The following RFC3 variants were observed in gnomAD, a reference collection of about 807,000 sequenced individuals.
RFC3 encodes the protein replication factor C subunit 3, also known as A1 38 kDa subunit.
RFC3 carries 41 observed loss-of-function variants against 45.1 expected under a neutral mutation model. The observed-to-expected ratio is 0.91, with a 90% CI of 0.71 to 1.18. The LOEUF (loss-of-function observed/expected upper bound fraction) is 1.18. Ranked by LOEUF, RFC3 falls within the 50% of genes most tolerant of loss-of-function variation. RFC3 has a pLI of 0.00. For missense variants in RFC3, 423 were observed against 428.1 expected (o/e 0.99, Z 0.10); for synonymous variants, 149 against 144.0 (o/e 1.03, Z -0.25).
chr13:33,835,246 T>C (rs776235365), intron 8 of RFC3, 29 bp downstream of exon 8: 1 of 1,494,650 alleles, frequency 6.7e-7, no homozygotes, highest in Non-Finnish European at 9.3e-7. Flanking sequence ...TTGAACTTTT[T>C]ACAGCTATAA....
At chr13:33,881,304 G>A (rs779922694) in intron 8 of RFC3, among the ~76,000 whole-genome samples, 3 of 152,184 alleles carry the variant, frequency 2.0e-5, no homozygotes, top group Non-Finnish European at 2.9e-5. Context: ...AACTGTTTCA[G>A]TTTCTTAGGG....
chr13:33,875,496 T>G (rs958111624), intron 8 of RFC3, among the ~76,000 whole-genome samples: 13 of 152,172 alleles, frequency 8.5e-5, no homozygotes, highest in African/African-American at 2.9e-4. Flanking sequence ...AACTTTTCAT[T>G]TAACTTTTCA....
intron 8 of RFC3, among the ~76,000 whole-genome samples, chr13:33,908,771 T>G (rs2082687290): frequency 6.6e-6 from 1 of 152,026 alleles, no homozygotes; most frequent in Admixed American, 6.6e-5. Flanking sequence ...TCCAAAGGCC[T>G]GAGAACCAGA....
At chr13:33,884,375 C>T (rs2082506111) in intron 8 of RFC3, among the ~76,000 whole-genome samples, 2 of 152,150 alleles carry the variant, frequency 1.3e-5, no homozygotes, top group Non-Finnish European at 2.9e-5. Context: ...AGCCACAATC[C>T]TGAATTATAG....
intron 8 of RFC3, among the ~76,000 whole-genome samples, chr13:33,923,206 G>C (rs1002944052): frequency 6.6e-6 from 1 of 152,172 alleles, no homozygotes; most frequent in African/African-American, 2.4e-5. Context: ...ATCTGATTTT[G>C]TTCTTTTAGC....
intron 8 of RFC3, among the ~76,000 whole-genome samples, chr13:33,915,475 A>T (rs2082727122): frequency 6.6e-6 from 1 of 152,186 alleles, no homozygotes; most frequent in African/African-American, 2.4e-5. Flanking sequence ...TACAGAAGAA[A>T]ATAAATGTAC....
At chr13:33,965,999 A>G (rs983683728) in intron 8 of RFC3, 2 of 954,384 alleles carry the variant, frequency 2.1e-6, no homozygotes, top group Admixed American at 1.8e-5. Flanking sequence ...TTTGAAGTGT[A>G]TTACACATCC....
rs2082162904 is a variant in RFC3 at position 33,837,189 on chromosome 13, C to T, written c.*894C>T. ...CCCAATCAAGGTATAGATGCCGTCA[C>T]CCCAAAAAGTTCCCTCCATATCCCT... On this transcript the variant is annotated 3_prime_UTR_variant, in exon 9 of 9. Coordinates refer to ENST00000380071, the MANE Select transcript of RFC3 (RefSeq NM_002915.4). 2 of 389,468 alleles carry T rather than the reference C, an allele frequency of 5.1e-6. No individual in the cohort carries two copies. The highest frequency in any genetic ancestry group is 7.0e-6 in the Non-Finnish European group (2 of 285,420). The allele number at this position is 389,468 out of a possible 1,614,324, so 24.1% of individuals were successfully genotyped here.
At chr13:33,929,057 A>T (rs1254825589) in intron 8 of RFC3, among the ~76,000 whole-genome samples, 1 of 152,132 alleles carries the variant, frequency 6.6e-6, no homozygotes, top group Non-Finnish European at 1.5e-5. Flanking sequence ...TTTTATTTGA[A>T]ACCATAGATT....
chr13:33,920,184 T>A (rs971527086), intron 8 of RFC3, among the ~76,000 whole-genome samples: 11 of 152,140 alleles, frequency 7.2e-5, no homozygotes, highest in African/African-American at 1.7e-4. Context: ...ATCCCCATGT[T>A]ATGGGAAAAA....
intron 8 of RFC3, among the ~76,000 whole-genome samples, chr13:33,904,442 A>G (rs2137679174): frequency 1.3e-5 from 2 of 152,048 alleles, no homozygotes; most frequent in South Asian, 4.1e-4. Context: ...TGGCCCCTGT[A>G]AATTCTTTTT....
chr13:33,862,076 C>T (rs772486704), intron 8 of RFC3, among the ~76,000 whole-genome samples: 4 of 152,148 alleles, frequency 2.6e-5, no homozygotes, highest in Admixed American at 6.5e-5. Flanking sequence ...TAGTTCTATA[C>T]GTCTCACCTT....
chr13:33,830,865 A>G lies in RFC3; in HGVS notation c.710+10A>G. ...CCTGCAGAGTGCAACAGTGAGTGGA[A>G]GGGGTAGTTACATTCTAGGACTTTG... On this transcript the variant is annotated intron_variant, in intron 6 of 8. Transcript: ENST00000380071. 6.2e-7 allele frequency: 1 copy of G among 1,607,110 alleles called. No homozygotes were observed.
intron 8 of RFC3, among the ~76,000 whole-genome samples, chr13:33,843,804 C>T (rs532076000): frequency 2.0e-5 from 3 of 152,320 alleles, no homozygotes; most frequent in African/African-American, 7.2e-5. Flanking sequence ...ATGATCAAGT[C>T]TCCACAATGC....
At position 33,836,259 on chromosome 13, in the gene RFC3, G is replaced by C. The variant is rs373451224; in HGVS notation, c.1035G>C (p.Lys345Asn). 4 of 1,613,300 alleles carry C rather than the reference G, an allele frequency of 2.5e-6. No homozygotes were observed. In the East Asian group the frequency reaches 6.7e-5, roughly 27 times the overall value. Residue 345 changes from lysine (K) to asparagine (N), a missense_variant, in exon 9 of 9, where the codon AAG becomes AAC. Transcript: ENST00000380071. Reference protein sequence around the residue: ...FVAKFMALYKKFMEDGLEGMM... With the variant: ...FVAKFMALYKNFMEDGLEGMM... ...CCAAATTCATGGCACTTTATAAGAA[G>C]TTCATGGAGGATGGATTGGAAGGCA... is the stretch of plus-strand genomic sequence containing the variant.
chr13:33,837,851 T>G (rs898113948), downstream of RFC3, among the ~76,000 whole-genome samples: 3 of 152,214 alleles, frequency 2.0e-5, no homozygotes, highest in South Asian at 6.2e-4. Context: ...CTCTGAGTAC[T>G]GATTAAGCTT....
At chr13:33,922,737 G>A (rs1405589159) in intron 8 of RFC3, among the ~76,000 whole-genome samples, 2 of 152,110 alleles carry the variant, frequency 1.3e-5, no homozygotes, top group Non-Finnish European at 2.9e-5. Flanking sequence ...GTTAAGTAGA[G>A]AGGCCATGGG....
intron 8 of RFC3, among the ~76,000 whole-genome samples, chr13:33,920,186 T>C (rs75533020): frequency 0.018 from 2,746 of 152,146 alleles, 37 homozygotes; most frequent in Non-Finnish European, 0.026. Context: ...CCCCATGTTA[T>C]GGGAAAAAAG....
intron 7 of RFC3, among the ~76,000 whole-genome samples, chr13:33,834,298 G>GTGTA (rs1302839326): frequency 1.1e-4 from 12 of 109,204 alleles, no homozygotes; most frequent in African/African-American, 4.5e-4. Flanking sequence ...TGTACTGTGT[G>GTGTA]TATATATATA....
Sources: gnomAD v4.1 joint callset for allele counts (sites outside exome capture counted in the v4.1 genomes callset) on GRCh38, gnomAD v4.1.1 for gene constraint, MANE v1.5 for transcripts, NCBI Gene and HGNC (gene_info 2026-07-23, HGNC 2026-07-21) for gene names.